The following ZMAT4 variants were observed in gnomAD, a reference collection of about 807,000 sequenced individuals.
ZMAT4 encodes zinc finger matrin-type protein 4.
Under a neutral mutation model 28.7 loss-of-function variants are expected in ZMAT4, and 17 were observed. That is an observed-to-expected ratio of 0.59 (90% confidence interval 0.41 to 0.89). ZMAT4 has a LOEUF of 0.89. ZMAT4 is among the 40% of genes least tolerant of loss of function. The pLI is 0.00. For synonymous variants in ZMAT4, 117 were observed against 109.2 expected (o/e 1.07, Z -0.44); for missense variants, 240 against 283.8 (o/e 0.85, Z 1.11).
At chr8:40,542,640 C>G (rs1216138959) in intron 6 of ZMAT4, among the ~76,000 whole-genome samples, 1 of 152,150 alleles carries the variant, frequency 6.6e-6, no homozygotes, top group African/African-American at 2.4e-5. Flanking sequence ...CCACCCGCTT[C>G]TGCCTCTCAA....
intron 5 of ZMAT4, among the ~76,000 whole-genome samples, chr8:40,598,545 T>C (rs11998288): frequency 0.16 from 24,477 of 152,162 alleles, 2,884 homozygotes; most frequent in East Asian, 0.57. Flanking sequence ...CATGATCTCA[T>C]TCTTTTTATA....
chr8:40,662,651 A>G (rs572927709), intron 5 of ZMAT4, among the ~76,000 whole-genome samples: 1 of 152,314 alleles, frequency 6.6e-6, no homozygotes, highest in East Asian at 1.9e-4. Flanking sequence ...GAATGCCCCT[A>G]TAGTATGTAA....
chr8:40,887,558 A>G (rs1354222143), intron 1 of ZMAT4, among the ~76,000 whole-genome samples: 1 of 151,002 alleles, frequency 6.6e-6, no homozygotes, highest in Admixed American at 6.6e-5. Context: ...TTTGGAAAAT[A>G]CAAAAAAAAA....
intron 1 of ZMAT4, among the ~76,000 whole-genome samples, chr8:40,891,156 C>T (rs1818656957): frequency 7.6e-6 from 1 of 131,430 alleles, no homozygotes; most frequent in Non-Finnish European, 1.6e-5. Flanking sequence ...CATAATTGCA[C>T]CATTGCACTC....
chr8:40,582,417 A>T (rs551986751), intron 5 of ZMAT4, among the ~76,000 whole-genome samples: 9 of 152,264 alleles, frequency 5.9e-5, no homozygotes, highest in African/African-American at 2.2e-4. Context: ...CCAGTTCAAG[A>T]TCACAGTGAG....
chr8:40,538,231 C>A (rs961971699), intron 6 of ZMAT4, among the ~76,000 whole-genome samples: 1 of 152,188 alleles, frequency 6.6e-6, no homozygotes, highest in Non-Finnish European at 1.5e-5. Context: ...CTCTGCAACC[C>A]TTTGTTTTAA....
At chr8:40,682,238 A>C (rs941578353) in intron 4 of ZMAT4, among the ~76,000 whole-genome samples, 1 of 152,328 alleles carries the variant, frequency 6.6e-6, no homozygotes, top group East Asian at 1.9e-4. Flanking sequence ...CAAAGTCTAA[A>C]AAACACTGCT....
chr8:40,786,614 G>T, intron 2 of ZMAT4: 1 of 1,099,542 alleles, frequency 9.1e-7, no homozygotes, highest in Non-Finnish European at 1.2e-6. Context: ...ATTCTCTTGT[G>T]AAATCTCAGC....
Position 40,549,208 on chromosome 8 carries a change from T to A in ZMAT4, c.675-16970A>T, listed in dbSNP as rs370582385. Among the ~76,000 whole-genome samples the A allele has an allele frequency of 7.2e-5, 11 of 152,232 alleles. No homozygotes were observed. The East Asian group carries it at 7.8e-4, about 11-fold the overall frequency. On this transcript the variant is annotated intron_variant, in intron 6 of 6. Coordinates refer to ENST00000297737, the MANE Select transcript of ZMAT4 (RefSeq NM_024645.3). Reference sequence around the variant, plus strand: ...CCTGTTGCCACCTTGAACTTGGACTTCCCAGCCTCCAGAACCATGAGAGAT... The same window carrying A: ...CCTGTTGCCACCTTGAACTTGGACTACCCAGCCTCCAGAACCATGAGAGAT...
At position 40,708,294 on chromosome 8, in the gene ZMAT4, A is replaced by G. The variant is rs201548105; in HGVS notation, c.193-10893T>C. Among the ~76,000 whole-genome samples the G allele has an allele frequency of 3.7e-4, 56 of 152,282 alleles. No homozygotes were observed. The East Asian group carries it at 0.011, about 29-fold the overall frequency. On this transcript the variant is annotated intron_variant, in intron 3 of 6. Coordinates refer to ENST00000297737, the MANE Select transcript of ZMAT4 (RefSeq NM_024645.3). ...CATCAGGAGCGCATGTCCCATCCCC[A>G]CAGCAGATTATAAGAGAGGTCTGTG... is the stretch of plus-strand genomic sequence containing the variant.
chr8:40,647,122 G>C (rs529893285), intron 5 of ZMAT4, among the ~76,000 whole-genome samples: 1 of 152,192 alleles, frequency 6.6e-6, no homozygotes, highest in East Asian at 1.9e-4. Context: ...CAGCGTGAGC[G>C]ACGCAGAAGA....
intron 5 of ZMAT4, among the ~76,000 whole-genome samples, chr8:40,657,812 C>T (rs1584681): frequency 0.84 from 128,482 of 152,130 alleles, 55,138 homozygotes; most frequent in Non-Finnish European, 0.92. Flanking sequence ...TTATTGAAGA[C>T]GTTAAGTGAG....
chr8:40,683,224 G>A (rs60219215), intron 4 of ZMAT4, among the ~76,000 whole-genome samples: 1 of 152,152 alleles, frequency 6.6e-6, no homozygotes, highest in Admixed American at 6.5e-5. Flanking sequence ...ACATCCTGCA[G>A]GTATAACGAT....
At chr8:40,605,123 A>G (rs1805535467) in intron 5 of ZMAT4, among the ~76,000 whole-genome samples, 1 of 152,148 alleles carries the variant, frequency 6.6e-6, no homozygotes, top group African/African-American at 2.4e-5. Context: ...CTTTTCAAAC[A>G]ACCAGCTTTT....
intron 3 of ZMAT4, among the ~76,000 whole-genome samples, chr8:40,706,599 T>C (rs1175223084): frequency 6.6e-6 from 1 of 152,168 alleles, no homozygotes; most frequent in African/African-American, 2.4e-5. Flanking sequence ...TCAACCACAC[T>C]TTACTACCCC....
chr8:40,638,656 A>C (rs10099852), intron 5 of ZMAT4, among the ~76,000 whole-genome samples: 1,623 of 152,326 alleles, frequency 0.011, 25 homozygotes, highest in African/African-American at 0.037. Flanking sequence ...ATGAAAGTCA[A>C]ATTTCACCCA....
intron 1 of ZMAT4, among the ~76,000 whole-genome samples, chr8:40,840,454 G>A (rs750958927): frequency 2.6e-5 from 4 of 152,124 alleles, no homozygotes; most frequent in Non-Finnish European, 4.4e-5. Flanking sequence ...CCACCCGGTA[G>A]GCACCCTGAG....
At chr8:40,601,473 G>GAAA (rs1554525370) in intron 5 of ZMAT4, among the ~76,000 whole-genome samples, 916 of 76,786 alleles carry the variant, frequency 0.012, 101 homozygotes, top group African/African-American at 0.023. Flanking sequence ...AGAAAGGAAA[G>GAAA]AAAGAAAGAA....
intron 2 of ZMAT4, among the ~76,000 whole-genome samples, chr8:40,793,961 A>G (rs1814472684): frequency 6.6e-6 from 1 of 152,138 alleles, no homozygotes; most frequent in Non-Finnish European, 1.5e-5. Context: ...AAAACAAAGC[A>G]TGTTTATTTC....
Sources: gnomAD v4.1 joint callset for allele counts (sites outside exome capture counted in the v4.1 genomes callset) on GRCh38, gnomAD v4.1.1 for gene constraint, MANE v1.5 for transcripts, NCBI Gene and HGNC (gene_info 2026-07-23, HGNC 2026-07-21) for gene names.